Variants in AKAP7 observed in about 807,000 individuals in gnomAD.
AKAP7 encodes the protein A-kinase anchoring protein 7, also known as A kinase (PRKA) anchor protein 7.
A neutral mutation model predicts 39.5 loss-of-function variants in AKAP7; 39 were observed. The observed-to-expected ratio is 0.99, with a 90% CI of 0.76 to 1.29. AKAP7 has a LOEUF of 1.29. Among genes scored for constraint, AKAP7 ranks in the 50% most tolerant of loss-of-function variants. The pLI is 0.00. For synonymous variants in AKAP7, 140 were observed against 139.1 expected (o/e 1.01, Z -0.05); for missense variants, 414 against 407.7 (o/e 1.02, Z -0.13).
chr6:131,258,613 A>G (rs189881148), intron 7 of AKAP7, among the ~76,000 whole-genome samples: 15 of 152,354 alleles, frequency 9.8e-5, no homozygotes, highest in Admixed American at 5.9e-4. Context: ...CTATTAAAAT[A>G]AATCTTTCAG....
Position 131,143,442 on chromosome 6 carries a change from A to G in AKAP7, c.20-1843A>G, listed in dbSNP as rs138213188. Among the ~76,000 whole-genome samples the G allele has an allele frequency of 2.0e-5, 3 of 152,284 alleles. No individual in the cohort carries two copies. The East Asian group carries it at 5.8e-4, about 29-fold the overall frequency. ...CTTGCTGTTTTTCTTGACGTGTGAC[A>G]TGTTGGCTTCCCTTTGCCTTGCACC... On this transcript the variant is annotated intron_variant, in intron 1 of 7. Coordinates refer to ENST00000431975, the MANE Select transcript of AKAP7 (RefSeq NM_016377.4).
At chr6:131,218,393 T>C (rs916590410) in intron 6 of AKAP7, among the ~76,000 whole-genome samples, 4 of 152,214 alleles carry the variant, frequency 2.6e-5, no homozygotes, top group Admixed American at 6.5e-5. Context: ...GGTTATCAAA[T>C]AGTACTCAGG....
intron 5 of AKAP7, among the ~76,000 whole-genome samples, chr6:131,176,973 TG>T: frequency 6.6e-6 from 1 of 152,296 alleles, no homozygotes; most frequent in African/African-American, 2.4e-5. Flanking sequence ...CCTGCACCAT[TG>T]AGGCCATTAG....
chr6:131,186,647 C>G (rs1805889665), intron 5 of AKAP7, among the ~76,000 whole-genome samples: 1 of 152,178 alleles, frequency 6.6e-6, no homozygotes, highest in African/African-American at 2.4e-5. Context: ...GGAGAGGGCT[C>G]TCTGCTTCAC....
At chr6:131,208,598 G>T (rs893192003) in intron 6 of AKAP7, among the ~76,000 whole-genome samples, 3 of 152,190 alleles carry the variant, frequency 2.0e-5, no homozygotes, top group Non-Finnish European at 4.4e-5. Context: ...TATCTGTCAG[G>T]GTTTTATGTG....
chr6:131,185,740 AT>A (rs1360116194), intron 5 of AKAP7, among the ~76,000 whole-genome samples: 1 of 152,162 alleles, frequency 6.6e-6, no homozygotes, highest in Non-Finnish European at 1.5e-5. Context: ...CAGATATACG[AT>A]TTGCAAATAT....
Position 131,201,490 on chromosome 6 carries a change from T to A in AKAP7, c.702+1917T>A, listed in dbSNP as rs560150473. 3.3e-5 allele frequency among the ~76,000 whole-genome samples: 5 copies of A among 152,338 alleles called. No individual in the cohort carries two copies. The East Asian group carries it at 9.7e-4, about 29-fold the overall frequency. On this transcript the variant is annotated intron_variant, in intron 6 of 7. Transcript: ENST00000431975. ...TGAGTTCCTTGTAGATTCTGCATAT[T>A]AGCCCTTTGTCAGATGAGTAGGTTG...
intron 3 of AKAP7, among the ~76,000 whole-genome samples, chr6:131,161,708 A>G (rs1396251145): frequency 6.7e-6 from 1 of 149,316 alleles, no homozygotes; most frequent in Non-Finnish European, 1.5e-5. Flanking sequence ...TGCAATAGTC[A>G]TTAAAAGTGT....
At chr6:131,255,377 T>G (rs573884399) in intron 7 of AKAP7, among the ~76,000 whole-genome samples, 11 of 152,322 alleles carry the variant, frequency 7.2e-5, no homozygotes, top group African/African-American at 2.6e-4. Context: ...CTGGTTAATG[T>G]TGGAACCCAT....
intron 7 of AKAP7, among the ~76,000 whole-genome samples, chr6:131,271,824 G>A (rs778813463): frequency 3.2e-4 from 48 of 152,264 alleles, no homozygotes; most frequent in African/African-American, 7.0e-4. Flanking sequence ...ACAAGGCCAC[G>A]AATAGGTACA....
At chr6:131,208,976 A>G (rs562570356) in intron 6 of AKAP7, among the ~76,000 whole-genome samples, 176 of 152,350 alleles carry the variant, frequency 1.2e-3, no homozygotes, top group African/African-American at 3.8e-3. Context: ...TGAGTGTAAC[A>G]GAGCAGGATA....
At chr6:131,136,727 C>T (rs1800576298) in intron 1 of AKAP7, 1 of 339,552 alleles carries the variant, frequency 2.9e-6, no homozygotes, top group Non-Finnish European at 4.2e-6. Context: ...TTGTTTTGTC[C>T]ATTTCTCCCT....
At chr6:131,198,607 T>C (rs550388012) in intron 5 of AKAP7, among the ~76,000 whole-genome samples, 1 of 152,292 alleles carries the variant, frequency 6.6e-6, no homozygotes, top group South Asian at 2.1e-4. Context: ...TTTTACCTAA[T>C]GTCTCATGAA....
chr6:131,159,964 G>A (rs1347621632), intron 2 of AKAP7, 95 bp from the exon 3 acceptor site: 4 of 1,135,856 alleles, frequency 3.5e-6, no homozygotes, highest in African/African-American at 3.2e-5. Context: ...TGACACTGAT[G>A]AATGATTGCT....
chr6:131,153,255 A>T (rs1802107018), intron 2 of AKAP7, among the ~76,000 whole-genome samples: 1 of 152,220 alleles, frequency 6.6e-6, no homozygotes. Flanking sequence ...TGTAGCAATA[A>T]ATACAGGATT....
the AKAP7 span, among the ~76,000 whole-genome samples, chr6:131,130,036 G>C: frequency 6.6e-6 from 1 of 152,196 alleles, no homozygotes; most frequent in African/African-American, 2.4e-5. Context: ...GAGTCGGGCA[G>C]GGTGAATGAG....
At chr6:131,184,495 G>T in intron 5 of AKAP7, 1 of 678,174 alleles carries the variant, frequency 1.5e-6, no homozygotes, top group South Asian at 1.5e-5. Flanking sequence ...CATCTTCAGA[G>T]GTGCCGCAGA....
In AKAP7 at chr6:131,165,025, A is replaced by G; in HGVS notation, c.292-56A>G. ...CTTGATTTTACATTTTACCATAAAG[A>G]AATTTTGCTTACCTAATCACTGGAA... On this transcript the variant is annotated intron_variant, in intron 3 of 7. Transcript: ENST00000431975. 3.6e-6 allele frequency: 5 copies of G among 1,386,758 alleles called. No homozygotes were observed. In the South Asian group the frequency reaches 6.1e-5, roughly 17 times the overall value. 85.9% of individuals were successfully genotyped at this position (1,386,758 alleles called of 1,614,324 possible).
At chr6:131,136,933 T>C (rs1486972638) in intron 1 of AKAP7, 1 of 884,698 alleles carries the variant, frequency 1.1e-6, no homozygotes, top group Non-Finnish European at 1.4e-6. Flanking sequence ...TAAACTTATT[T>C]ATGTATGTAC....
Sources: allele counts gnomAD v4.1 joint callset (sites outside exome capture counted in the v4.1 genomes callset), GRCh38; gene constraint gnomAD v4.1.1; transcripts MANE v1.5; gene names NCBI Gene and HGNC (gene_info 2026-07-23, HGNC 2026-07-21).